Variants in SLC13A3 observed in about 807,000 individuals in gnomAD.
SLC13A3 encodes the protein solute carrier family 13 member 3, also known as Na(+)/dicarboxylate cotransporter 3.
In SLC13A3, 40 loss-of-function variants were observed where a neutral mutation model predicts 59.0. The ratio of observed to expected loss-of-function variants is 0.68; its 90% CI spans 0.53 to 0.88. The LOEUF is 0.88. Ranked by LOEUF, SLC13A3 falls within the 40% of genes least tolerant of loss-of-function variation. The probability of loss-of-function intolerance (pLI) is 0.00; values close to 1 mark genes in which losing one functional copy is unlikely to be tolerated. For synonymous variants in SLC13A3, 317 were observed against 330.3 expected (o/e 0.96, Z 0.44); for missense variants, 699 against 783.2 (o/e 0.89, Z 1.28).
chr20:46,601,518 A>G (rs1178043869), intron 3 of SLC13A3, among the ~76,000 whole-genome samples: 2 of 152,216 alleles, frequency 1.3e-5, no homozygotes, highest in African/African-American at 4.8e-5. Context: ...GCTGAGTGAC[A>G]AAAGATGAAA....
intron 10 of SLC13A3, among the ~76,000 whole-genome samples, chr20:46,572,543 C>T (rs1374361208): frequency 6.6e-6 from 1 of 152,084 alleles, no homozygotes; most frequent in Non-Finnish European, 1.5e-5. Context: ...ATCCAGCCTC[C>T]TTCCTCTAGG....
chr20:46,578,366 A>G (rs6090518), intron 9 of SLC13A3, among the ~76,000 whole-genome samples: 3 of 151,822 alleles, frequency 2.0e-5, no homozygotes, highest in Non-Finnish European at 2.9e-5. Flanking sequence ...CCAGGGGGGA[A>G]GTCAGGTGAT....
chr20:46,630,163 C>T (rs537157842), intron 1 of SLC13A3, among the ~76,000 whole-genome samples: 13 of 152,328 alleles, frequency 8.5e-5, no homozygotes, highest in South Asian at 2.1e-4. Flanking sequence ...AGACCCAAGA[C>T]GGTCACAGTT....
intron 1 of SLC13A3, among the ~76,000 whole-genome samples, chr20:46,645,724 G>C (rs2062888342): frequency 1.3e-5 from 2 of 152,118 alleles, no homozygotes; most frequent in African/African-American, 2.4e-5. Flanking sequence ...CAGATCGCAG[G>C]CCCATAGCTT....
intron 1 of SLC13A3, among the ~76,000 whole-genome samples, chr20:46,624,680 T>G (rs1475450645): frequency 6.6e-6 from 1 of 152,244 alleles, no homozygotes; most frequent in Non-Finnish European, 1.5e-5. Context: ...TAAAAATGAC[T>G]CCTTGTTCAT....
chr20:46,595,118 C>T (rs1471785010), intron 5 of SLC13A3, among the ~76,000 whole-genome samples: 1 of 152,154 alleles, frequency 6.6e-6, no homozygotes, highest in East Asian at 1.9e-4. Flanking sequence ...CAAATGCTTA[C>T]ATTTGCATTT....
Position 46,559,854 on chromosome 20 carries a change from T to C in SLC13A3, c.*168A>G, listed in dbSNP as rs943731925. 23 of 617,956 alleles carry C rather than the reference T, an allele frequency of 3.7e-5. No individual in the cohort carries two copies. Among genetic ancestry groups the C allele is most frequent in the Non-Finnish European group, 5.9e-5 (21 of 355,562 alleles). The allele number at this position is 617,956 out of a possible 1,614,324, so 38.3% of individuals were successfully genotyped here. A position where few individuals can be genotyped will look rare whatever the true frequency, so the allele number is the denominator to read the frequency against. On this transcript the variant is annotated 3_prime_UTR_variant, in exon 13 of 13. Coordinates refer to ENST00000279027, the MANE Select transcript of SLC13A3 (RefSeq NM_022829.6). ...AACTGCATGAAAGAGAGAGAAAGTATCCTAGATAATGGCTCATGGACTTGA... is the reference window on the plus strand; with the variant it reads ...AACTGCATGAAAGAGAGAGAAAGTACCCTAGATAATGGCTCATGGACTTGA...
chr20:46,574,995 G>T (rs563610828), intron 10 of SLC13A3, among the ~76,000 whole-genome samples: 1 of 151,776 alleles, frequency 6.6e-6, no homozygotes, highest in Admixed American at 6.6e-5. Flanking sequence ...AAGAAAATTA[G>T]CTGGGCATGG....
At chr20:46,641,713 G>A (rs1472092459) in intron 1 of SLC13A3, among the ~76,000 whole-genome samples, 1 of 152,182 alleles carries the variant, frequency 6.6e-6, no homozygotes, top group East Asian at 1.9e-4. Context: ...AAGGGCAGGG[G>A]AAGTTGTAAA....
intron 1 of SLC13A3, among the ~76,000 whole-genome samples, chr20:46,677,674 T>C (rs2063134201): frequency 6.6e-6 from 1 of 152,126 alleles, no homozygotes; most frequent in South Asian, 2.1e-4. Context: ...CCATCTTATC[T>C]AAAGGTTGCA....
chr20:46,591,024 G>A (rs982034073), intron 6 of SLC13A3, among the ~76,000 whole-genome samples: 1 of 150,830 alleles, frequency 6.6e-6, no homozygotes, highest in East Asian at 1.9e-4. Context: ...CAAAAAATTA[G>A]CTGGGCAAGG....
chr20:46,582,423 C>G (rs1229192022), intron 9 of SLC13A3, among the ~76,000 whole-genome samples: 3 of 147,150 alleles, frequency 2.0e-5, no homozygotes, highest in Admixed American at 2.0e-4. Context: ...CTACCATGCC[C>G]AGCCTGCTAC....
At chr20:46,656,931 T>C (rs938892961) in intron 1 of SLC13A3, among the ~76,000 whole-genome samples, 1 of 152,194 alleles carries the variant, frequency 6.6e-6, no homozygotes, top group African/African-American at 2.4e-5. Context: ...TCTTCAGTTA[T>C]ACAATTTTCA....
chr20:46,651,528 C>T (rs1198839839), upstream of SLC13A3: 3 of 1,327,192 alleles, frequency 2.3e-6, no homozygotes, highest in Non-Finnish European at 2.9e-6. Flanking sequence ...GCTGGGGAAC[C>T]CGCCCTCTCC....
At chr20:46,626,097 TTCTCTCTC>T (rs74176872) in intron 1 of SLC13A3, among the ~76,000 whole-genome samples, 5 of 145,890 alleles carry the variant, frequency 3.4e-5, no homozygotes, top group East Asian at 2.0e-4. Flanking sequence ...CAAAGCTGTA[TTCTCTCTC>T]TCTCTCTCTC....
intron 3 of SLC13A3, among the ~76,000 whole-genome samples, chr20:46,608,530 A>G (rs1459473506): frequency 6.6e-6 from 1 of 152,196 alleles, no homozygotes; most frequent in Non-Finnish European, 1.5e-5. Flanking sequence ...CACTTTGCCA[A>G]TGCTATGATC....
chr20:46,604,006 AGAC>A (rs1204852768), intron 3 of SLC13A3, among the ~76,000 whole-genome samples: 1 of 151,688 alleles, frequency 6.6e-6, no homozygotes, highest in African/African-American at 2.4e-5. Context: ...AAAAAAAAAA[AGAC>A]AGAAAGAATT....
At position 46,619,478 on chromosome 20, in the gene SLC13A3, A is replaced by G. The variant is rs892198632; in HGVS notation, c.112-5753T>C. On this transcript the variant is annotated intron_variant, in intron 1 of 12. Coordinates refer to ENST00000279027, the MANE Select transcript of SLC13A3 (RefSeq NM_022829.6). ...TTGCACTTGTCTTCATGAATCCTCC[A>G]CATAAGCAGTCAAAGGAATACTTCT... 3.3e-5 allele frequency among the ~76,000 whole-genome samples: 5 copies of G among 152,180 alleles called. No individual in the cohort carries two copies. In the East Asian group the frequency reaches 9.6e-4, roughly 29 times the overall value.
chr20:46,611,446 C>T (rs1197398326), intron 2 of SLC13A3, among the ~76,000 whole-genome samples: 1 of 152,100 alleles, frequency 6.6e-6, no homozygotes, highest in Non-Finnish European at 1.5e-5. Context: ...GATCAAATTC[C>T]ACTTGGCATT....
Sources: gnomAD v4.1 joint callset for allele counts (sites outside exome capture counted in the v4.1 genomes callset) on GRCh38, gnomAD v4.1.1 for gene constraint, MANE v1.5 for transcripts, NCBI Gene and HGNC (gene_info 2026-07-23, HGNC 2026-07-21) for gene names.